The following ZBTB7C variants were observed in gnomAD, a reference collection of about 807,000 sequenced individuals.
ZBTB7C encodes zinc finger and BTB domain containing 7C.
A neutral mutation model predicts 25.7 loss-of-function variants in ZBTB7C; 8 were observed. The ratio of observed to expected loss-of-function variants is 0.31; its 90% CI spans 0.18 to 0.56. ZBTB7C has a LOEUF of 0.56. ZBTB7C is among the 20% of genes least tolerant of loss of function. The probability of loss-of-function intolerance (pLI) is 0.91; values close to 1 mark genes in which losing one functional copy is unlikely to be tolerated. For missense variants in ZBTB7C, 824 were observed against 855.2 expected (o/e 0.96, Z 0.46); for synonymous variants, 394 against 369.0 (o/e 1.07, Z -0.78).
At chr18:48,320,099 G>A (rs2046054043) in intron 2 of ZBTB7C, among the ~76,000 whole-genome samples, 1 of 151,070 alleles carries the variant, frequency 6.6e-6, no homozygotes, top group Admixed American at 6.6e-5. Flanking sequence ...GAAGTAGACA[G>A]GCAGAGAAGG....
At chr18:48,253,859 C>T (rs1467713612) in intron 2 of ZBTB7C, among the ~76,000 whole-genome samples, 1 of 152,214 alleles carries the variant, frequency 6.6e-6, no homozygotes, top group Non-Finnish European at 1.5e-5. Flanking sequence ...CTTTGACCTA[C>T]TTCCTTGTAA....
At position 48,233,513 on chromosome 18, in the gene ZBTB7C, GC is replaced by G. The variant is rs139977676; in HGVS notation, c.-78-47519del. 5.6e-3 allele frequency among the ~76,000 whole-genome samples: 852 copies of G among 152,332 alleles called. 3 individuals are homozygous for G. The highest frequency in any genetic ancestry group is 1.0e-2 in the Non-Finnish European group (680 of 68,038). ...GATATCCTAACAGGAAGACCGGTGA[GC>G]TGGAATCAGTCAGTGCTATCTTACT... On this transcript the variant is annotated intron_variant, in intron 2 of 4. Coordinates refer to ENST00000590800, the MANE Select transcript of ZBTB7C (RefSeq NM_001318841.2).
At chr18:48,041,278 C>T (rs988249373) in intron 3 of ZBTB7C, 155 bp from the exon 4 acceptor site, 1 of 985,036 alleles carries the variant, frequency 1.0e-6, no homozygotes, top group South Asian at 4.7e-5. Flanking sequence ...ATCTCACCTG[C>T]AATTCACAGC....
At chr18:48,403,005 C>T (rs968460002) in intron 1 of ZBTB7C, among the ~76,000 whole-genome samples, 1 of 152,230 alleles carries the variant, frequency 6.6e-6, no homozygotes, top group Non-Finnish European at 1.5e-5. Flanking sequence ...GAATTCCCTG[C>T]TCCTGCAGGG....
intron 2 of ZBTB7C, among the ~76,000 whole-genome samples, chr18:48,218,218 G>A (rs547721282): frequency 6.6e-6 from 1 of 152,316 alleles, no homozygotes; most frequent in African/African-American, 2.4e-5. Context: ...CCCCAGGCCT[G>A]CACAGTCAGG....
chr18:48,179,927 T>TGCAAGGAAGATATTTCTCC (rs2041852396), intron 3 of ZBTB7C, among the ~76,000 whole-genome samples: 1 of 28,812 alleles, frequency 3.5e-5, no homozygotes, highest in Non-Finnish European at 7.5e-5. Context: ...CCTTCCTTCC[T>TGCAAGGAAGATATTTCTCC]TCCCTGCTTC....
intron 3 of ZBTB7C, chr18:48,136,858 T>TA (rs1471060860): frequency 1.4e-6 from 1 of 737,654 alleles, no homozygotes; most frequent in Non-Finnish European, 1.7e-6. Context: ...GGCCACAGGG[T>TA]CCCCGCAGCG....
Position 48,385,893 on chromosome 18 carries a change from A to T in ZBTB7C, c.-304+23333T>A, listed in dbSNP as rs118046561. On this transcript the variant is annotated intron_variant, in intron 1 of 4. Coordinates refer to ENST00000590800, the MANE Select transcript of ZBTB7C (RefSeq NM_001318841.2). ...AAAGCTCCCTCAGAGTGGCCTTTTC[A>T]GCTGCCCTGATTCCATGACGGGGAG... 6.0e-3 allele frequency among the ~76,000 whole-genome samples: 906 copies of T among 152,230 alleles called. 4 individuals carry two copies. The highest frequency in any genetic ancestry group is 0.031 in the Middle Eastern group (9 of 294).
chr18:48,117,598 G>C (rs1000027935), intron 3 of ZBTB7C, among the ~76,000 whole-genome samples: 2 of 152,158 alleles, frequency 1.3e-5, no homozygotes, highest in Non-Finnish European at 2.9e-5. Flanking sequence ...GGTTGTAAGG[G>C]TTCAGTAAGT....
intron 3 of ZBTB7C, among the ~76,000 whole-genome samples, chr18:48,051,884 C>G (rs571418473): frequency 6.6e-6 from 1 of 151,730 alleles, no homozygotes; most frequent in African/African-American, 2.4e-5. Context: ...CCCCTTCAAG[C>G]TGTTGTTCTT....
At chr18:48,322,535 T>C (rs2046120764) in intron 2 of ZBTB7C, among the ~76,000 whole-genome samples, 1 of 152,132 alleles carries the variant, frequency 6.6e-6, no homozygotes, top group Non-Finnish European at 1.5e-5. Flanking sequence ...GCTCTGATAA[T>C]CAAAACATAA....
intron 2 of ZBTB7C, among the ~76,000 whole-genome samples, chr18:48,256,265 C>T (rs1453061656): frequency 6.6e-6 from 1 of 151,564 alleles, no homozygotes; most frequent in Non-Finnish European, 1.5e-5. Flanking sequence ...TAAAAGCAAC[C>T]AGGGTGAGTG....
Position 48,337,802 on chromosome 18 carries a change from G to A in ZBTB7C, c.-79+372C>T, listed in dbSNP as rs571255910. 2.1e-4 allele frequency among the ~76,000 whole-genome samples: 32 copies of A among 152,190 alleles called. 1 individual carries two copies. In the South Asian group the frequency reaches 6.4e-3, roughly 31 times the overall value. ...CGATGAAAGAGCTTCTTCACTTCTC[G>A]CTCCCTCTGTTTCTCCACTGGCATG... is the stretch of plus-strand genomic sequence containing the variant. On this transcript the variant is annotated intron_variant, in intron 2 of 4. Coordinates refer to ENST00000590800, the MANE Select transcript of ZBTB7C (RefSeq NM_001318841.2).
chr18:48,123,982 C>G (rs950008086), intron 3 of ZBTB7C, among the ~76,000 whole-genome samples: 2 of 152,140 alleles, frequency 1.3e-5, no homozygotes, highest in African/African-American at 4.8e-5. Flanking sequence ...GAGATGGTTT[C>G]TTTCCTGCAG....
intron 2 of ZBTB7C, among the ~76,000 whole-genome samples, chr18:48,195,050 G>A (rs1599077814): frequency 6.6e-6 from 1 of 152,302 alleles, no homozygotes; most frequent in East Asian, 1.9e-4. Context: ...GTAGGAGTGA[G>A]TTTCTAGGAG....
At chr18:48,050,353 G>A (rs2036634736) in intron 3 of ZBTB7C, among the ~76,000 whole-genome samples, 2 of 152,278 alleles carry the variant, frequency 1.3e-5, no homozygotes, top group South Asian at 2.1e-4. Flanking sequence ...TGGGCTGGGA[G>A]GCTGGGCAGG....
At chr18:48,205,558 A>G (rs1299471197) in intron 2 of ZBTB7C, among the ~76,000 whole-genome samples, 1 of 152,058 alleles carries the variant, frequency 6.6e-6, no homozygotes, top group Non-Finnish European at 1.5e-5. Flanking sequence ...ACATCTTAAC[A>G]CTATTGATTC....
intron 2 of ZBTB7C, among the ~76,000 whole-genome samples, chr18:48,235,771 C>T (rs966119025): frequency 3.9e-5 from 6 of 152,152 alleles, no homozygotes; most frequent in African/African-American, 1.2e-4. Context: ...CTTCTAGCTG[C>T]CAAAGTTGCT....
chr18:48,041,557 A>G (rs1469006604), intron 3 of ZBTB7C: 11 of 985,048 alleles, frequency 1.1e-5, no homozygotes, highest in African/African-American at 1.7e-5. Flanking sequence ...AGATGCTCTG[A>G]TTTGTCTCAC....
Sources: gnomAD v4.1 joint callset for allele counts (sites outside exome capture counted in the v4.1 genomes callset) on GRCh38, gnomAD v4.1.1 for gene constraint, MANE v1.5 for transcripts, NCBI Gene and HGNC (gene_info 2026-07-23, HGNC 2026-07-21) for gene names.